ADAMTS16: variants seen among roughly 807,000 people sequenced by gnomAD.
The protein encoded by ADAMTS16 is A disintegrin and metalloproteinase with thrombospondin motifs 16.
In ADAMTS16, 94 loss-of-function variants were observed where a neutral mutation model predicts 145.8. That is an observed-to-expected ratio of 0.64 (90% CI 0.55 to 0.77). The LOEUF (loss-of-function observed/expected upper bound fraction) is 0.77, where lower values mean the gene tolerates loss of function less well. ADAMTS16 is among the 30% of genes least tolerant of loss of function. ADAMTS16 has a pLI of 0.00. For synonymous variants in ADAMTS16, 659 were observed against 604.3 expected (o/e 1.09, Z -1.33); for missense variants, 1,585 against 1,591.5 (o/e 1.00, Z 0.07).
intron 2 of ADAMTS16, among the ~76,000 whole-genome samples, chr5:5,141,137 T>C (rs1485994015): frequency 2.0e-5 from 3 of 152,178 alleles, no homozygotes; most frequent in Admixed American, 2.0e-4. Context: ...CATCCTCGGA[T>C]CCTCCTTCCC....
Position 5,182,188 on chromosome 5 carries a change from G to A in ADAMTS16, c.646G>A (p.Ala216Thr), listed in dbSNP as rs1397064172. ...ATCCACAGAGCCCCATGCTCCTGGG[G>A]CCAGTGAGGTCCTGGTGACCTCAAG... ...KRSTEPHAPG[A>T]SEVLVTSRTW... Residue 216 changes from alanine (A) to threonine (T), a missense_variant, in exon 4 of 23, where the codon GCC (alanine) becomes ACC (threonine). Transcript: ENST00000274181. 6.2e-7 allele frequency: 1 copy of A among 1,614,174 alleles called. No individual in the cohort carries two copies. Among genetic ancestry groups the A allele is most frequent in the Non-Finnish European group, 8.5e-7 (1 of 1,180,040 alleles).
intron 3 of ADAMTS16, 59 bp downstream of exon 3, chr5:5,146,514 C>T: frequency 2.0e-6 from 3 of 1,491,842 alleles, no homozygotes; most frequent in Admixed American, 2.0e-5. Flanking sequence ...GAAAGGAGAG[C>T]GTAACCAGGA....
chr5:5,284,940 C>T (rs114298940), intron 18 of ADAMTS16, among the ~76,000 whole-genome samples: 1,742 of 152,216 alleles, frequency 0.011, 17 homozygotes, highest in Non-Finnish European at 0.015. Context: ...GTTCCTCTGG[C>T]GCACTTATTC....
chr5:5,194,226 A>T (rs2126581683), intron 8 of ADAMTS16, among the ~76,000 whole-genome samples: 1 of 152,354 alleles, frequency 6.6e-6, no homozygotes, highest in Non-Finnish European at 1.5e-5. Context: ...TCTGAGACAG[A>T]GAACCTGGAG....
At chr5:5,223,891 A>G (rs1379734257) in intron 11 of ADAMTS16, among the ~76,000 whole-genome samples, 2 of 151,818 alleles carry the variant, frequency 1.3e-5, no homozygotes, top group Non-Finnish European at 2.9e-5. Flanking sequence ...TGAATATGAA[A>G]TGATATTTAG....
At chr5:5,247,052 AG>A in intron 17 of ADAMTS16, among the ~76,000 whole-genome samples, 1 of 152,338 alleles carries the variant, frequency 6.6e-6, no homozygotes. Context: ...AAAGAGCAGC[AG>A]TGGGCTTTGG....
chr5:5,202,672 T>C (rs1426329669), intron 9 of ADAMTS16, among the ~76,000 whole-genome samples: 2 of 152,212 alleles, frequency 1.3e-5, no homozygotes, highest in Non-Finnish European at 2.9e-5. Flanking sequence ...CTTTCTATAG[T>C]TTTCTAGATT....
intron 18 of ADAMTS16, among the ~76,000 whole-genome samples, chr5:5,296,613 T>C (rs1739542194): frequency 6.6e-6 from 1 of 152,230 alleles, no homozygotes. Flanking sequence ...TTTGCACAAT[T>C]TCAGATTCCT....
intron 5 of ADAMTS16, 53 bp downstream of exon 5, chr5:5,186,304 G>A: frequency 2.8e-6 from 3 of 1,081,822 alleles, no homozygotes; most frequent in East Asian, 2.9e-5. Context: ...TTCGTAGGGT[G>A]TGTGTGTGTG....
rs1399983438 is a variant in ADAMTS16 at position 5,215,864 on chromosome 5, GTATGTGTATATATA to G, written c.1605+6622_1605+6635del. ...GTGTATATATATATATATGTGGTGTGTATGTGTATATATATATATATATATATATATATATATAT... is the reference window on the plus strand; with the variant it reads ...GTGTATATATATATATATGTGGTGTGTATATATATATATATATATATATAT... On this transcript the variant is annotated intron_variant, in intron 10 of 22. Transcript: ENST00000274181. Among the ~76,000 whole-genome samples, 3 of 57,990 alleles carry G rather than the reference GTATGTGTATATATA, an allele frequency of 5.2e-5. No individual in the cohort carries two copies. In the Admixed American group the frequency reaches 6.8e-4, roughly 13 times the overall value. The allele number at this position is 57,990 out of a possible 152,430, so 38.0% of individuals were successfully genotyped here.
intron 9 of ADAMTS16, among the ~76,000 whole-genome samples, chr5:5,201,535 A>AG (rs1434415976): frequency 9.2e-5 from 14 of 152,036 alleles, no homozygotes; most frequent in Non-Finnish European, 1.6e-4. Flanking sequence ...ACAAAAGCAA[A>AG]GGGTTTTTTT....
chr5:5,243,782 C>T (rs1339150769), intron 17 of ADAMTS16, among the ~76,000 whole-genome samples: 2 of 152,162 alleles, frequency 1.3e-5, no homozygotes, highest in Non-Finnish European at 2.9e-5. Context: ...GGTGTCTTTC[C>T]TTTGAGCATC....
At chr5:5,187,700 G>A in intron 5 of ADAMTS16, 25 bp from the exon 6 acceptor site, 7 of 1,548,078 alleles carry the variant, frequency 4.5e-6, no homozygotes, top group Non-Finnish European at 6.2e-6. Context: ...TTATGGGGCT[G>A]ACATGGATTT....
Position 5,319,171 on chromosome 5 carries a change from C to A in ADAMTS16, c.*33C>A, listed in dbSNP as rs745669918. Reference sequence around the variant, plus strand: ...CCGCTCTCCGTAGCAGAGAAAGTGCCTGCGTGGCACAGAAATTTCCCACAA... The same window carrying A: ...CCGCTCTCCGTAGCAGAGAAAGTGCATGCGTGGCACAGAAATTTCCCACAA... On this transcript the variant is annotated 3_prime_UTR_variant, in exon 23 of 23. Transcript: ENST00000274181. 1.1e-5 allele frequency: 16 copies of A among 1,492,292 alleles called. No individual in the cohort carries two copies. The South Asian group carries it at 1.5e-4, about 14-fold the overall frequency. 92.4% of individuals were successfully genotyped at this position (1,492,292 alleles called of 1,614,324 possible).
In ADAMTS16 at chr5:5,186,078, C is replaced by T. The variant is rs956678464; in HGVS notation, c.790C>T (p.Leu264Phe). The T allele has an allele frequency of 1.2e-6, 2 of 1,613,746 alleles. No homozygotes were observed. Among genetic ancestry groups the T allele is most frequent in the East Asian group, 2.2e-5 (1 of 44,878 alleles). Residue 264 changes from leucine (L) to phenylalanine (F), a missense_variant, in exon 5 of 23, where the codon CTC becomes TTC. This residue lies in a region of ADAMTS16 where 453 missense variants were observed against 412.1 expected (regional missense o/e 1.10). Coordinates refer to ENST00000274181, the MANE Select transcript of ADAMTS16 (RefSeq NM_139056.4). ...CATGCCCCAGCCTCCCAAGGAAGAC[C>T]TCTTCATCTTGCCAGATGAGTATAA... ...KYMPQPPKEDLFILPDEYKSC... is the reference protein window; with the variant it reads ...KYMPQPPKEDFFILPDEYKSC...
At chr5:5,236,248 G>T (rs1389965377) in intron 13 of ADAMTS16, among the ~76,000 whole-genome samples, 2 of 151,542 alleles carry the variant, frequency 1.3e-5, no homozygotes, top group Non-Finnish European at 2.9e-5. Context: ...TGAGTCTCAG[G>T]CCTATAAAAA....
chr5:5,247,981 C>A (rs1392627888), intron 17 of ADAMTS16, among the ~76,000 whole-genome samples: 3 of 152,352 alleles, frequency 2.0e-5, no homozygotes, highest in East Asian at 3.9e-4. Flanking sequence ...CACCTTTGAG[C>A]TATCTTCCCT....
chr5:5,227,499 C>A (rs1026969003), intron 11 of ADAMTS16, among the ~76,000 whole-genome samples: 29 of 145,814 alleles, frequency 2.0e-4, no homozygotes. Context: ...AAAATTAGAT[C>A]TAATACTGTG....
At chr5:5,237,217 A>C in intron 14 of ADAMTS16, 118 bp downstream of exon 14, 1 of 1,089,438 alleles carries the variant, frequency 9.2e-7, no homozygotes, top group East Asian at 2.6e-5. Flanking sequence ...TCTAAGTTGC[A>C]GCCCAGTGGG....
Sources: allele counts gnomAD v4.1 joint callset (sites outside exome capture counted in the v4.1 genomes callset), GRCh38; gene constraint gnomAD v4.1.1; regional missense constraint gnomAD v4.1.1; transcripts MANE v1.5; gene names NCBI Gene and HGNC (gene_info 2026-07-23, HGNC 2026-07-21).